The following MFSD6 variants were observed in gnomAD, a reference collection of about 807,000 sequenced individuals.
The protein encoded by MFSD6 is major facilitator superfamily domain-containing protein 6.
In MFSD6, 26 loss-of-function variants were observed where a neutral mutation model predicts 56.3. The observed-to-expected ratio is 0.46, with a 90% CI of 0.34 to 0.64. The LOEUF is 0.64. MFSD6 is among the 30% of genes least tolerant of loss of function. MFSD6 has a pLI of 0.01. For synonymous variants in MFSD6, 331 were observed against 366.9 expected, an observed-to-expected ratio of 0.90 and a Z score of 1.12; for missense variants, 750 against 986.2, an observed-to-expected ratio of 0.76 and a Z score of 3.21.
chr2:190,424,343 AT>A lies in MFSD6; in HGVS notation c.-54+8939del, dbSNP rs983982650. ...AGACTTAGTTTGAGGTTATTTATTTATTTTTTTTTCAGACAGAGTTTCACTC... is the reference window on the plus strand; with the variant it reads ...AGACTTAGTTTGAGGTTATTTATTTATTTTTTTTCAGACAGAGTTTCACTC... On this transcript the variant is annotated intron_variant, in intron 2 of 7. Transcript: ENST00000392328. The surrounding 1 kb of genome is among the most constrained non-coding windows in gnomAD (Gnocchi z 5.9). 4.8e-5 allele frequency among the ~76,000 whole-genome samples: 7 copies of A among 145,284 alleles called. No individual in the cohort carries two copies. The highest frequency in any genetic ancestry group is 1.0e-4 in the African/African-American group (4 of 39,410).
intron 4 of MFSD6, among the ~76,000 whole-genome samples, chr2:190,470,862 G>A (rs1687880550): frequency 6.6e-6 from 1 of 151,788 alleles, no homozygotes; most frequent in Non-Finnish European, 1.5e-5. Flanking sequence ...CTAATTGAAA[G>A]GAGATATAAT....
rs1689170839 is a variant in MFSD6 at position 190,488,908 on chromosome 2, G to A, written c.1792+90G>A. Reference sequence around the variant, plus strand: ...CTCAATAAACAATCCAATTATTACTGAAGATTGCCCAAAGCTAAATTCCAG... The same window carrying A: ...CTCAATAAACAATCCAATTATTACTAAAGATTGCCCAAAGCTAAATTCCAG... On this transcript the variant is annotated intron_variant, in intron 5 of 7. Coordinates refer to ENST00000392328, the MANE Select transcript of MFSD6 (RefSeq NM_017694.4). The surrounding 1 kb of genome is among the most constrained non-coding windows in gnomAD (Gnocchi z 6.4). 5 of 1,236,622 alleles carry A rather than the reference G, an allele frequency of 4.0e-6. No individual in the cohort carries two copies. The highest frequency in any genetic ancestry group is 5.5e-6 in the Non-Finnish European group (5 of 910,874). 76.6% of individuals were successfully genotyped at this position (1,236,622 alleles called of 1,614,324 possible). A position where few individuals can be genotyped will look rare whatever the true frequency, so the allele number is the denominator to read the frequency against.
chr2:190,460,893 A>G (rs188226376), intron 3 of MFSD6, among the ~76,000 whole-genome samples: 4 of 152,214 alleles, frequency 2.6e-5, no homozygotes, highest in African/African-American at 9.6e-5. Flanking sequence ...CATATCAGCA[A>G]TTTTGATGCA....
In MFSD6 at chr2:190,461,315, A is replaced by G. The variant is rs954191426; in HGVS notation, c.1533-8443A>G. 6.6e-6 allele frequency among the ~76,000 whole-genome samples: 1 copy of G among 152,136 alleles called. No homozygotes were observed. The highest frequency in any genetic ancestry group is 2.4e-5 in the African/African-American group (1 of 41,430). ...GACATGCACTTGGAAAAACATTCAA[A>G]AGGTATTTAGTAAAGTCTCTCTCCC... is the stretch of plus-strand genomic sequence containing the variant. On this transcript the variant is annotated intron_variant, in intron 3 of 7. Transcript: ENST00000392328. This position sits in a 1 kb window ranked among gnomAD's most constrained non-coding sequence, Gnocchi z 5.5.
chr2:190,427,295 G>A (rs1286854773), intron 2 of MFSD6, among the ~76,000 whole-genome samples: 16 of 152,218 alleles, frequency 1.1e-4, no homozygotes, highest in Non-Finnish European at 1.5e-5. Flanking sequence ...GGGGTTGGGG[G>A]TTCCCCATTA....
In MFSD6 at chr2:190,469,349, T is replaced by G. The variant is rs1687783443; in HGVS notation, c.1533-409T>G. The G allele has an allele frequency of 6.5e-6, 1 of 152,800 alleles. No individual in the cohort carries two copies. The highest frequency in any genetic ancestry group is 2.4e-5 in the African/African-American group (1 of 41,438). 9.5% of individuals were successfully genotyped at this position (152,800 alleles called of 1,614,324 possible). A position where few individuals can be genotyped will look rare whatever the true frequency, so the allele number is the denominator to read the frequency against. On this transcript the variant is annotated intron_variant, in intron 3 of 7. Coordinates refer to ENST00000392328, the MANE Select transcript of MFSD6 (RefSeq NM_017694.4). The surrounding 1 kb of genome is among the most constrained non-coding windows in gnomAD (Gnocchi z 5.3). ...TTTATCCTTCCTTCCCCCATTGTAG[T>G]GAAGTGGTTACAATCCCAGGCATAG...
At chr2:190,474,302 A>C (rs1024358493) in intron 4 of MFSD6, among the ~76,000 whole-genome samples, 12 of 152,188 alleles carry the variant, frequency 7.9e-5, no homozygotes, top group Non-Finnish European at 1.6e-4. Context: ...AGATCAACAA[A>C]ATTGATAGAC....
rs1302884496 is a variant in MFSD6, at chr2:190,457,644, A to G, written c.1533-12114A>G. ...CTGGCTCAGGCAGAATTTGTAAAAGATGTGGCTGTTATTGCTGAAATATTT... is the reference window on the plus strand; with the variant it reads ...CTGGCTCAGGCAGAATTTGTAAAAGGTGTGGCTGTTATTGCTGAAATATTT... On this transcript the variant is annotated intron_variant, in intron 3 of 7. Coordinates refer to ENST00000392328, the MANE Select transcript of MFSD6 (RefSeq NM_017694.4). The surrounding 1 kb of genome is among the most constrained non-coding windows in gnomAD (Gnocchi z 5.1). Among the ~76,000 whole-genome samples, 1 of 152,236 alleles carries G rather than the reference A, an allele frequency of 6.6e-6. No individual in the cohort carries two copies. Among genetic ancestry groups the G allele is most frequent in the Non-Finnish European group, 1.5e-5 (1 of 68,042 alleles).
At position 190,481,277 on chromosome 2, in the gene MFSD6, T is replaced by C. The variant is rs372395815; in HGVS notation, c.1631-7380T>C. Among the ~76,000 whole-genome samples the C allele has an allele frequency of 3.3e-5, 5 of 152,362 alleles. No homozygotes were observed. In the East Asian group the frequency reaches 5.8e-4, roughly 18 times the overall value. On this transcript the variant is annotated intron_variant, in intron 4 of 7. Coordinates refer to ENST00000392328, the MANE Select transcript of MFSD6 (RefSeq NM_017694.4). ...CCCTAGAACATTGTTACATCAGTTA[T>C]AGACTTTTTTTAAGCAACTCATATA...
chr2:190,441,531 T>C (rs970498939), intron 3 of MFSD6, among the ~76,000 whole-genome samples: 6 of 152,102 alleles, frequency 3.9e-5, no homozygotes, highest in Non-Finnish European at 7.4e-5. Flanking sequence ...TTCCAGCTCA[T>C]GCAGCATGTT....
rs1394652046 is a variant in MFSD6, at chr2:190,436,177, C to T, written c.148C>T (p.Pro50Ser). Residue 50 changes from proline to serine, a missense_variant, in exon 3 of 8, where the codon CCT (proline) becomes TCT (serine). Physicochemically the swap from Pro to Ser is moderately conservative, Grantham distance 74. Around this residue, in one of 5 missense-constraint regions of MFSD6, gnomAD observed 76 missense variants for 101.9 expected, o/e 0.75. Coordinates refer to ENST00000392328, the MANE Select transcript of MFSD6 (RefSeq NM_017694.4). This position sits in a 1 kb window ranked among gnomAD's most constrained non-coding sequence, Gnocchi z 5.3. ...TTCCTCCACAGAAACATCTGCTATTCCTGAGGAGGAAATAGACTGGATAGA... is the reference window on the plus strand; with the variant it reads ...TTCCTCCACAGAAACATCTGCTATTTCTGAGGAGGAAATAGACTGGATAGA... ...TPSSTETSAI[P>S]EEEIDWIEKH... is the part of the protein sequence containing the mutation. The T allele has an allele frequency of 3.7e-6, 6 of 1,614,040 alleles. No individual in the cohort carries two copies. The highest frequency in any genetic ancestry group is 5.1e-6 in the Non-Finnish European group (6 of 1,179,884).
At chr2:190,421,484 A>G (rs566094845) in intron 2 of MFSD6, among the ~76,000 whole-genome samples, 1 of 23,038 alleles carries the variant, frequency 4.3e-5, no homozygotes, top group East Asian at 1.4e-3. Context: ...AAAAATGAAC[A>G]TGTTTACAAG....
In MFSD6 at chr2:190,485,350, A is replaced by G. The variant is rs891474517; in HGVS notation, c.1631-3307A>G. Among the ~76,000 whole-genome samples the G allele has an allele frequency of 2.0e-5, 3 of 152,208 alleles. No individual in the cohort carries two copies. Among genetic ancestry groups the G allele is most frequent in the African/African-American group, 2.4e-5 (1 of 41,474 alleles). On this transcript the variant is annotated intron_variant, in intron 4 of 7. Coordinates refer to ENST00000392328, the MANE Select transcript of MFSD6 (RefSeq NM_017694.4). This position sits in a 1 kb window ranked among gnomAD's most constrained non-coding sequence, Gnocchi z 5.1. ...TGCAATTGATTGCTTAGACATACAC[A>G]TAACAAGAGGTTTGGCGTCAGCATT...
At chr2:190,478,462 C>T (rs974895301) in intron 4 of MFSD6, among the ~76,000 whole-genome samples, 5 of 152,188 alleles carry the variant, frequency 3.3e-5, no homozygotes, top group African/African-American at 1.2e-4. Context: ...GAATAAAATC[C>T]TGCATCACAG....
In MFSD6 at chr2:190,500,208, G is replaced by A. The variant is rs753489517; in HGVS notation, c.2366G>A (p.Gly789Glu). The change falls in exon 8 of 8, where the codon GGA becomes GAA. Residue 789 changes from glycine (G) to glutamate (E), a missense_variant. By Grantham distance (98) the Gly-to-Glu change is moderately conservative. Transcript: ENST00000392328. The surrounding 1 kb of genome is among the most constrained non-coding windows in gnomAD (Gnocchi z 5.3). ...SEEQQAQLAA[G>E]GH is the part of the protein sequence containing the mutation. The stretch of plus-strand genomic sequence containing the variant: ...GAGCAGCAGGCTCAGCTGGCCGCGG[G>A]AGGACACTGAGGGCATCCTGCTCAT... 3 of 1,614,126 alleles carry A rather than the reference G, an allele frequency of 1.9e-6. No homozygotes were observed. The highest frequency in any genetic ancestry group is 2.5e-6 in the Non-Finnish European group (3 of 1,180,016).
At chr2:190,470,755 T>C in intron 4 of MFSD6, among the ~76,000 whole-genome samples, 1 of 152,172 alleles carries the variant, frequency 6.6e-6, no homozygotes, top group Non-Finnish European at 1.5e-5. Context: ...ATTTCAGTCT[T>C]TTAAAATGAA....
In MFSD6 at chr2:190,437,680, T is replaced by A; in HGVS notation, c.1532+119T>A. The A allele has an allele frequency of 8.3e-7, 1 of 1,202,352 alleles. No homozygotes were observed. Among genetic ancestry groups the A allele is most frequent in the Non-Finnish European group, 1.1e-6 (1 of 877,476 alleles). The allele number at this position is 1,202,352 out of a possible 1,614,324, so 74.5% of individuals were successfully genotyped here. ...ATTTGTGTTGAGGATAGGGTTGGAG[T>A]GGAAATGGGGATTTCTGTTTCTTTT... On this transcript the variant is annotated intron_variant, in intron 3 of 7. Coordinates refer to ENST00000392328, the MANE Select transcript of MFSD6 (RefSeq NM_017694.4). This position sits in a 1 kb window ranked among gnomAD's most constrained non-coding sequence, Gnocchi z 5.9.
rs1405867025 is a variant in MFSD6, at chr2:190,491,252, T to C, written c.1891+1386T>C. ...TCTGGAGAGACTGTTATTGGGAAAA[T>C]GGCAAGATAGGAGGCAGGATTAGGT... On this transcript the variant is annotated intron_variant, in intron 6 of 7. Transcript: ENST00000392328. The surrounding 1 kb of genome is among the most constrained non-coding windows in gnomAD (Gnocchi z 4.2). 6.6e-6 allele frequency among the ~76,000 whole-genome samples: 1 copy of C among 152,186 alleles called. No homozygotes were observed. Among genetic ancestry groups the C allele is most frequent in the Non-Finnish European group, 1.5e-5 (1 of 68,034 alleles).
chr2:190,428,239 G>A (rs1243555740), intron 2 of MFSD6, among the ~76,000 whole-genome samples: 1 of 152,170 alleles, frequency 6.6e-6, no homozygotes, highest in Non-Finnish European at 1.5e-5. Flanking sequence ...TACAATTTAT[G>A]TATCTGCTGT....
Sources: allele counts gnomAD v4.1 joint callset (sites outside exome capture counted in the v4.1 genomes callset), GRCh38; gene constraint gnomAD v4.1.1; regional missense constraint gnomAD v4.1.1; non-coding constraint Gnocchi (gnomAD v3.1); transcripts MANE v1.5; gene names NCBI Gene and HGNC (gene_info 2026-07-23, HGNC 2026-07-21).